NRXN3: variants seen among roughly 807,000 people sequenced by gnomAD.
NRXN3 encodes the protein neurexin 3.
NRXN3 carries 32 observed loss-of-function variants against 137.6 expected under a neutral mutation model. That is an observed-to-expected ratio of 0.23 (90% CI 0.18 to 0.31). NRXN3 has a LOEUF of 0.31. Among genes scored for constraint, NRXN3 ranks in the 10% least tolerant of loss-of-function variants. NRXN3 has a pLI of 1.00. For missense variants in NRXN3, 1,574 were observed against 2,062.5 expected (o/e 0.76, Z 4.59); for synonymous variants, 798 against 784.5 (o/e 1.02, Z -0.29).
At chr14:78,996,825 T>C (rs1037595478) in intron 15 of NRXN3, among the ~76,000 whole-genome samples, 1 of 152,156 alleles carries the variant, frequency 6.6e-6, no homozygotes, top group Admixed American at 6.5e-5. Flanking sequence ...AGGTTATTTC[T>C]CTGCATCTGT....
intron 19 of NRXN3, among the ~76,000 whole-genome samples, chr14:79,723,858 G>A (rs2098860920): frequency 6.6e-6 from 1 of 152,070 alleles, no homozygotes. Flanking sequence ...CAGTGGAGCT[G>A]ACAAGGGCGA....
intron 15 of NRXN3, among the ~76,000 whole-genome samples, chr14:78,991,250 A>G (rs2099518235): frequency 6.6e-6 from 1 of 152,350 alleles, no homozygotes; most frequent in Middle Eastern, 3.4e-3. Context: ...CTTTGGTAAC[A>G]TGCCTGCCAC....
chr14:79,257,429 GGTGGTGGTGGTGGTA>G (rs1294577126), intron 15 of NRXN3, among the ~76,000 whole-genome samples: 6 of 76,478 alleles, frequency 7.8e-5, no homozygotes, highest in African/African-American at 1.1e-4. Context: ...TGGTGATGGT[GGTGGTGGTGGTGGTA>G]GTGATGGTGG....
intron 4 of NRXN3, among the ~76,000 whole-genome samples, chr14:78,463,811 T>C (rs1483949760): frequency 6.6e-6 from 1 of 150,736 alleles, no homozygotes; most frequent in Non-Finnish European, 1.5e-5. Context: ...ACTCAGCAAA[T>C]TTTTGCTGAA....
At chr14:78,772,185 C>T (rs929686968) in intron 8 of NRXN3, among the ~76,000 whole-genome samples, 51 of 152,190 alleles carry the variant, frequency 3.4e-4, no homozygotes, top group African/African-American at 1.2e-3. Flanking sequence ...GATGCTCAAC[C>T]TGTATTTATT....
intron 6 of NRXN3, among the ~76,000 whole-genome samples, chr14:78,683,536 G>C (rs2098097178): frequency 6.6e-6 from 1 of 152,206 alleles, no homozygotes; most frequent in Non-Finnish European, 1.5e-5. Flanking sequence ...TCACAAAGCA[G>C]AATATGGAAG....
intron 4 of NRXN3, among the ~76,000 whole-genome samples, chr14:78,456,857 T>TTTCTTTCTTTC (rs1567645225): frequency 2.7e-3 from 78 of 29,078 alleles, no homozygotes; most frequent in Non-Finnish European, 3.9e-3. Flanking sequence ...TTCTTTCTTT[T>TTTCTTTCTTTC]TCTCTTTCTT....
intron 16 of NRXN3, among the ~76,000 whole-genome samples, chr14:79,565,834 T>G (rs1319708365): frequency 6.6e-6 from 1 of 152,098 alleles, no homozygotes; most frequent in African/African-American, 2.4e-5. Flanking sequence ...CCTCCATAAT[T>G]AGAGTCTTAT....
rs569700558 is a variant in NRXN3 at position 78,249,527 on chromosome 14, T to TC, written c.709+5725_709+5726insC. Reference sequence around the variant, plus strand: ...GCAGGCTGCACTTGGGGGATGGGACTACCATGACCCCCTTTACTTGCAGTC... The same window carrying TC: ...GCAGGCTGCACTTGGGGGATGGGACTCACCATGACCCCCTTTACTTGCAGTC... On this transcript the variant is annotated intron_variant, in intron 2 of 20. Transcript: ENST00000335750. 3.7e-4 allele frequency among the ~76,000 whole-genome samples: 57 copies of TC among 152,212 alleles called. No individual in the cohort carries two copies. The East Asian group carries it at 0.01, about 28-fold the overall frequency.
intron 6 of NRXN3, among the ~76,000 whole-genome samples, chr14:78,662,816 C>A (rs1384630137): frequency 6.6e-6 from 1 of 152,160 alleles, no homozygotes; most frequent in Non-Finnish European, 1.5e-5. Flanking sequence ...GTTGAGGTTC[C>A]CAGCCACTAT....
chr14:79,546,453 T>C (rs1357804787), intron 16 of NRXN3, among the ~76,000 whole-genome samples: 1 of 152,188 alleles, frequency 6.6e-6, no homozygotes, highest in African/African-American at 2.4e-5. Flanking sequence ...TTGTCATTAA[T>C]GCTAAGTTAC....
chr14:79,379,746 G>GT (rs945976590), intron 15 of NRXN3, among the ~76,000 whole-genome samples: 30 of 152,102 alleles, frequency 2.0e-4, no homozygotes, highest in Admixed American at 3.3e-4. Context: ...ACAGGGGGCA[G>GT]TTTAACTGGC....
intron 15 of NRXN3, among the ~76,000 whole-genome samples, chr14:79,457,509 T>C (rs74068674): frequency 0.025 from 3,804 of 152,286 alleles, 74 homozygotes; most frequent in South Asian, 0.062. Flanking sequence ...AAGCATGGAC[T>C]TTAATAGTTG....
chr14:78,209,646 C>T (rs948258515), intron 1 of NRXN3, among the ~76,000 whole-genome samples: 4 of 152,114 alleles, frequency 2.6e-5, no homozygotes, highest in Non-Finnish European at 4.4e-5. Context: ...CTCACTACCA[C>T]GAGAACAGCA....
chr14:78,491,653 G>C (rs568164907), intron 4 of NRXN3, among the ~76,000 whole-genome samples: 35 of 152,192 alleles, frequency 2.3e-4, no homozygotes, highest in African/African-American at 8.2e-4. Context: ...ATAACTCTTT[G>C]GGGACAAAGA....
chr14:79,379,563 A>T (rs2094405714), intron 15 of NRXN3, among the ~76,000 whole-genome samples: 1 of 152,196 alleles, frequency 6.6e-6, no homozygotes, highest in African/African-American at 2.4e-5. Context: ...CCATGGTGCC[A>T]GAATGCCTCT....
intron 15 of NRXN3, among the ~76,000 whole-genome samples, chr14:79,071,583 GA>G (rs1338567736): frequency 2.0e-5 from 3 of 152,182 alleles, no homozygotes; most frequent in African/African-American, 7.2e-5. Flanking sequence ...TGAATGAATG[GA>G]TCTCATTTAT....
chr14:78,423,963 A>T, intron 4 of NRXN3, among the ~76,000 whole-genome samples: 1 of 152,244 alleles, frequency 6.6e-6, no homozygotes, highest in East Asian at 1.9e-4. Flanking sequence ...GGCTAGGGTC[A>T]GAGCATCTTA....
chr14:78,740,819 T>G (rs2098564827), intron 8 of NRXN3, among the ~76,000 whole-genome samples: 1 of 152,068 alleles, frequency 6.6e-6, no homozygotes, highest in Non-Finnish European at 1.5e-5. Flanking sequence ...ATTTATATTT[T>G]TTCTGGTTAT....
Sources: allele counts gnomAD v4.1 joint callset (sites outside exome capture counted in the v4.1 genomes callset), GRCh38; gene constraint gnomAD v4.1.1; transcripts MANE v1.5; gene names NCBI Gene and HGNC (gene_info 2026-07-23, HGNC 2026-07-21).